Variants in HIVEP2 observed in about 807,000 individuals in gnomAD.
HIVEP2 encodes the protein transcription factor HIVEP2.
In HIVEP2, 14 loss-of-function variants were observed where a neutral mutation model predicts 180.7. The ratio of observed to expected loss-of-function variants is 0.08; its 90% confidence interval spans 0.05 to 0.12. HIVEP2 has a LOEUF of 0.12. Among genes scored for constraint, HIVEP2 ranks in the 10% least tolerant of loss-of-function variants. HIVEP2 has a pLI of 1.00. For missense variants in HIVEP2, 2,579 were observed against 3,008.5 expected (o/e 0.86, Z 3.34); for synonymous variants, 1,184 against 1,136.4 (o/e 1.04, Z -0.84).
At chr6:142,792,851 C>T (rs558502354) in intron 2 of HIVEP2, among the ~76,000 whole-genome samples, 1 of 151,936 alleles carries the variant, frequency 6.6e-6, no homozygotes, top group Non-Finnish European at 1.5e-5. Context: ...GAAAATTTTT[C>T]TGTTTTAGAA....
intron 1 of HIVEP2, among the ~76,000 whole-genome samples, chr6:142,936,712 G>A (rs1227695506): frequency 6.6e-6 from 1 of 152,038 alleles, no homozygotes; most frequent in Non-Finnish European, 1.5e-5. Flanking sequence ...GGTTAAGAGA[G>A]ACCACTATAA....
At chr6:142,884,711 AG>A (rs1776654115) in intron 1 of HIVEP2, among the ~76,000 whole-genome samples, 1 of 152,182 alleles carries the variant, frequency 6.6e-6, no homozygotes, top group African/African-American at 2.4e-5. Flanking sequence ...CTAGCAAAAA[AG>A]TTTGGGAGAT....
chr6:142,858,524 C>T (rs113349393), intron 1 of HIVEP2, among the ~76,000 whole-genome samples: 254 of 152,298 alleles, frequency 1.7e-3, no homozygotes, highest in African/African-American at 5.4e-3. Context: ...AAATGCCCCC[C>T]TCCCTTATCT....
intron 1 of HIVEP2, among the ~76,000 whole-genome samples, chr6:142,900,416 C>T (rs1261645732): frequency 1.3e-5 from 2 of 152,152 alleles, no homozygotes; most frequent in South Asian, 2.1e-4. Flanking sequence ...CTGGGCCACA[C>T]GGTATTTAAG....
chr6:142,778,841 A>G (rs1775769882), intron 3 of HIVEP2, among the ~76,000 whole-genome samples: 1 of 152,172 alleles, frequency 6.6e-6, no homozygotes, highest in Non-Finnish European at 1.5e-5. Context: ...ATCTTCAATA[A>G]TATCTTCATC....
chr6:142,886,985 C>G (rs532864757), intron 1 of HIVEP2, among the ~76,000 whole-genome samples: 51 of 152,264 alleles, frequency 3.3e-4, no homozygotes, highest in African/African-American at 1.0e-3. Flanking sequence ...CTCTCCTGTG[C>G]ATATGTGTCA....
intron 2 of HIVEP2, among the ~76,000 whole-genome samples, chr6:142,833,483 T>C (rs188103336): frequency 3.3e-5 from 5 of 152,298 alleles, no homozygotes; most frequent in East Asian, 3.9e-4. Flanking sequence ...TGAAATGATA[T>C]GAAAGAAGCC....
intron 1 of HIVEP2, among the ~76,000 whole-genome samples, chr6:142,926,555 G>C (rs1371532952): frequency 6.6e-6 from 1 of 152,256 alleles, no homozygotes; most frequent in African/African-American, 2.4e-5. Context: ...AACGGACTCA[G>C]GCCTCCTGAG....
At chr6:142,915,143 C>T (rs144484864) in intron 1 of HIVEP2, among the ~76,000 whole-genome samples, 21 of 152,246 alleles carry the variant, frequency 1.4e-4, no homozygotes, top group African/African-American at 3.6e-4. Flanking sequence ...GAGAGCCTTA[C>T]GCAAGAGGGA....
intron 1 of HIVEP2, among the ~76,000 whole-genome samples, chr6:142,879,793 C>T (rs1196652295): frequency 1.3e-5 from 2 of 152,120 alleles, no homozygotes; most frequent in Non-Finnish European, 2.9e-5. Flanking sequence ...CTGACCCTCC[C>T]ATGCCCGTCT....
intron 1 of HIVEP2, among the ~76,000 whole-genome samples, chr6:142,895,269 G>T (rs77461817): frequency 0.019 from 2,803 of 151,314 alleles, 100 homozygotes; most frequent in African/African-American, 0.065. Context: ...TGAAATTTTG[G>T]TTTTTTTTAA....
chr6:142,799,399 A>C (rs1405953584), intron 2 of HIVEP2, among the ~76,000 whole-genome samples: 3 of 152,144 alleles, frequency 2.0e-5, no homozygotes, highest in Non-Finnish European at 4.4e-5. Flanking sequence ...TCCTTAAAAG[A>C]CAGATAGGAA....
chr6:142,927,441 T>C (rs1777845567), intron 1 of HIVEP2, among the ~76,000 whole-genome samples: 1 of 152,158 alleles, frequency 6.6e-6, no homozygotes, highest in Non-Finnish European at 1.5e-5. Flanking sequence ...TAAATAACTG[T>C]CAGACATAAA....
chr6:142,919,258 A>C (rs528205016), intron 1 of HIVEP2, among the ~76,000 whole-genome samples: 54 of 152,230 alleles, frequency 3.5e-4, no homozygotes, highest in Admixed American at 6.5e-4. Flanking sequence ...GTAAAATTAG[A>C]AAACAATACT....
At chr6:142,812,616 A>T (rs1434622053) in intron 2 of HIVEP2, among the ~76,000 whole-genome samples, 2 of 152,188 alleles carry the variant, frequency 1.3e-5, no homozygotes, top group Non-Finnish European at 2.9e-5. Context: ...AAAGTGGAAA[A>T]GTGTGACCTA....
At chr6:142,929,356 C>T (rs899493580) in intron 1 of HIVEP2, among the ~76,000 whole-genome samples, 1 of 151,978 alleles carries the variant, frequency 6.6e-6, no homozygotes, top group East Asian at 1.9e-4. Flanking sequence ...TAAATAAAAT[C>T]AGTATTACCA....
rs1302156010 is a variant in HIVEP2 at position 142,772,508 on chromosome 6, A to G, written c.2231T>C (p.Met744Thr). ...ATGAGAAAGGTTTTCGTGTCCAGCC[A>G]TGGCAAATCCACTCCTGACTCCTTC... Reference protein sequence around the residue: ...MQEGVRSGFAMAGHENLSHGH... With the variant: ...MQEGVRSGFATAGHENLSHGH... Residue 744 changes from methionine (M) to threonine (T), a missense_variant, in exon 5 of 10, where the codon ATG becomes ACG. Transcript: ENST00000367603. This position sits in a 1 kb window ranked among gnomAD's most constrained non-coding sequence, Gnocchi z 4.9. 1.9e-6 allele frequency: 3 copies of G among 1,614,130 alleles called. No individual in the cohort carries two copies. Among genetic ancestry groups the G allele is most frequent in the East Asian group, 4.5e-5 (2 of 44,876 alleles).
intron 1 of HIVEP2, among the ~76,000 whole-genome samples, chr6:142,848,259 A>T (rs1482054639): frequency 3.3e-5 from 5 of 152,226 alleles, no homozygotes; most frequent in African/African-American, 1.2e-4. Context: ...AGTCTTATCT[A>T]TGGATGTGGG....
chr6:142,806,876 GT>G (rs561223175), intron 2 of HIVEP2, among the ~76,000 whole-genome samples: 76 of 152,252 alleles, frequency 5.0e-4, no homozygotes, highest in African/African-American at 1.7e-3. Context: ...TTAAGTAACT[GT>G]CCAGGATCCA....
Sources: allele counts gnomAD v4.1 joint callset (sites outside exome capture counted in the v4.1 genomes callset), GRCh38; gene constraint gnomAD v4.1.1; non-coding constraint Gnocchi (gnomAD v3.1); transcripts MANE v1.5; gene names NCBI Gene and HGNC (gene_info 2026-07-23, HGNC 2026-07-21).